The following CFAP69 variants were observed in gnomAD, a reference collection of about 807,000 sequenced individuals.
CFAP69 encodes the protein cilia- and flagella-associated protein 69.
A neutral mutation model predicts 123.0 loss-of-function variants in CFAP69; 92 were observed. The observed-to-expected ratio is 0.75, with a 90% CI of 0.63 to 0.89. CFAP69 has a LOEUF of 0.89. Among genes scored for constraint, CFAP69 ranks in the 40% least tolerant of loss-of-function variants. CFAP69 has a pLI of 0.00. For synonymous variants in CFAP69, 380 were observed against 364.3 expected (o/e 1.04, Z -0.49); for missense variants, 1,067 against 1,096.9 (o/e 0.97, Z 0.39).
chr7:90,312,031 A>G (rs904260095), downstream of CFAP69, among the ~76,000 whole-genome samples: 1 of 152,226 alleles, frequency 6.6e-6, no homozygotes, highest in African/African-American at 2.4e-5. Context: ...CTAACAATGA[A>G]TCTTTGCTCC....
At chr7:90,304,524 T>G in intron 18 of CFAP69, 4 of 1,320,054 alleles carry the variant, frequency 3.0e-6, no homozygotes, top group Non-Finnish European at 3.9e-6. Flanking sequence ...TTCCTATATA[T>G]TGGATGACCT....
chr7:90,320,153 A>G, the CFAP69 span, among the ~76,000 whole-genome samples: 5 of 152,206 alleles, frequency 3.3e-5, no homozygotes, highest in South Asian at 8.3e-4. Context: ...ACACATTTCA[A>G]CTAAGTGGAT....
chr7:90,254,464 T>A (rs896824462), intron 1 of CFAP69, among the ~76,000 whole-genome samples: 12 of 152,168 alleles, frequency 7.9e-5, no homozygotes, highest in African/African-American at 2.9e-4. Context: ...AGGCCCAGTG[T>A]TGGATGCCGG....
rs771656444 is a variant in CFAP69 at position 90,286,294 on chromosome 7, TATA to T, written c.1556_1558del (p.Ile519del). The T allele has an allele frequency of 3.8e-6, 6 of 1,598,604 alleles. No homozygotes were observed. Among genetic ancestry groups the T allele is most frequent in the African/African-American group, 1.3e-5 (1 of 74,266 alleles). ...TTTTCATACCAGGAATCTTTAAAAATATAATAAGCAAGCCTAATGAAAAGGAAG... is the reference window on the plus strand; with the variant it reads ...TTTTCATACCAGGAATCTTTAAAAATATAAGCAAGCCTAATGAAAAGGAAG... On this transcript the variant is annotated inframe_deletion, in exon 14 of 23. Transcript: ENST00000389297.
At chr7:90,290,962 A>C (rs565288882) in intron 15 of CFAP69, among the ~76,000 whole-genome samples, 47 of 152,230 alleles carry the variant, frequency 3.1e-4, no homozygotes, top group African/African-American at 1.1e-3. Flanking sequence ...ATCAGGAAGA[A>C]GAGTGCAAGT....
intron 13 of CFAP69, 96 bp from the exon 14 acceptor site, chr7:90,286,185 C>A: frequency 9.9e-7 from 1 of 1,005,764 alleles, no homozygotes; most frequent in Non-Finnish European, 1.4e-6. Context: ...GTTTCTCTAG[C>A]CAAATAAACT....
chr7:90,257,077 C>G (rs17866066), intron 2 of CFAP69, among the ~76,000 whole-genome samples: 71 of 152,256 alleles, frequency 4.7e-4, no homozygotes, highest in African/African-American at 1.7e-3. Context: ...AATGTTTCAG[C>G]TTGTGTTTCC....
rs1790584592 is a variant in CFAP69, at chr7:90,288,186, ATTAT to A, written c.1657-37_1657-34del. On this transcript the variant is annotated intron_variant, in intron 14 of 22. Transcript: ENST00000389297. ...GACCGATAAAGTAGGAAAGGGAGGAATTATTTATTTATTTCAAGAAATAATTTAA... is the reference window on the plus strand; with the variant it reads ...GACCGATAAAGTAGGAAAGGGAGGAATTATTTATTTCAAGAAATAATTTAA... 3.4e-6 allele frequency: 5 copies of A among 1,456,730 alleles called. No individual in the cohort carries two copies. In the East Asian group the frequency reaches 9.5e-5, roughly 28 times the overall value. The allele number at this position is 1,456,730 out of a possible 1,614,324, so 90.2% of individuals were successfully genotyped here. A position where few individuals can be genotyped will look rare whatever the true frequency, so the allele number is the denominator to read the frequency against.
In CFAP69 at chr7:90,253,723, T is replaced by G. The variant is rs577156151; in HGVS notation, c.121-1700T>G. ...GCTATTGAGTTGTGTTCCTTGTATA[T>G]TCTTGTTATTAATCCCTTGTCAGAT... On this transcript the variant is annotated intron_variant, in intron 1 of 22. Coordinates refer to ENST00000389297, the MANE Select transcript of CFAP69 (RefSeq NM_001039706.3). 2.0e-5 allele frequency among the ~76,000 whole-genome samples: 3 copies of G among 152,276 alleles called. No homozygotes were observed. In the South Asian group the frequency reaches 6.2e-4, roughly 32 times the overall value.
chr7:90,321,558 C>T, the CFAP69 span, among the ~76,000 whole-genome samples: 1 of 152,186 alleles, frequency 6.6e-6, no homozygotes, highest in African/African-American at 2.4e-5. Flanking sequence ...TTTTTCTTAG[C>T]TGAGAAGATC....
At chr7:90,306,180 A>T (rs1793568072) in intron 19 of CFAP69, among the ~76,000 whole-genome samples, 3 of 151,762 alleles carry the variant, frequency 2.0e-5, no homozygotes, top group African/African-American at 7.3e-5. Context: ...TCAAACTCCT[A>T]GGCTCAAGTG....
intron 4 of CFAP69, among the ~76,000 whole-genome samples, chr7:90,262,477 TTGAG>T (rs1039515108): frequency 6.6e-6 from 1 of 152,134 alleles, no homozygotes; most frequent in African/African-American, 2.4e-5. Flanking sequence ...TTTTTGAAAT[TTGAG>T]TGAAGAATAA....
rs1229978626 is a variant in CFAP69, at chr7:90,282,939, G to A, written c.1420G>A (p.Gly474Ser). ...GNSFHGTGGR[G>S]NKFAQMRYSL... Reference sequence around the variant, plus strand: ...CAGTTTTCATGGTACAGGTGGCCGAGGCAACAAGTTTGCCCAGATGCGTTA... The same window carrying A: ...CAGTTTTCATGGTACAGGTGGCCGAAGCAACAAGTTTGCCCAGATGCGTTA... Residue 474 changes from glycine to serine, a missense_variant, in exon 13 of 23, where the codon GGC becomes AGC. Transcript: ENST00000389297. 61 of 1,586,756 alleles carry A rather than the reference G, an allele frequency of 3.8e-5. No individual in the cohort carries two copies. Among genetic ancestry groups the A allele is most frequent in the Non-Finnish European group, 5.1e-5 (59 of 1,167,736 alleles).
chr7:90,262,133 A>G lies in CFAP69; in HGVS notation c.356+77A>G, dbSNP rs1017704225. ...ATGTTTCTTATATCACAAACATACTATGCATTATAGTGTAGCAGATTGCTA... is the reference window on the plus strand; with the variant it reads ...ATGTTTCTTATATCACAAACATACTGTGCATTATAGTGTAGCAGATTGCTA... On this transcript the variant is annotated intron_variant, in intron 4 of 22. Transcript: ENST00000389297. 6.5e-6 allele frequency: 6 copies of G among 919,936 alleles called. No individual in the cohort carries two copies. In the African/African-American group the frequency reaches 1.0e-4, roughly 16 times the overall value. The allele number at this position is 919,936 out of a possible 1,614,324, so 57.0% of individuals were successfully genotyped here.
Position 90,288,366 on chromosome 7 carries a change from T to TAA in CFAP69, c.1775+15_1775+16dup. ...GGACAGCATTTGGTGAGTATTGCTA[T>TAA]AATCAAATTAGGTAGACTCACAGCA... On this transcript the variant is annotated intron_variant, in intron 15 of 22. Coordinates refer to ENST00000389297, the MANE Select transcript of CFAP69 (RefSeq NM_001039706.3). The TAA allele has an allele frequency of 6.2e-7, 1 of 1,602,104 alleles. No homozygotes were observed. The highest frequency in any genetic ancestry group is 1.3e-5 in the African/African-American group (1 of 74,844).
At chr7:90,287,620 G>A (rs1369838565) in intron 14 of CFAP69, 5 of 985,188 alleles carry the variant, frequency 5.1e-6, no homozygotes, top group African/African-American at 1.7e-5. Context: ...TTAAGTGAAC[G>A]CCTGTTTAGC....
the CFAP69 span, chr7:90,322,552 T>C: frequency 3.9e-5 from 6 of 152,230 alleles, no homozygotes; most frequent in Admixed American, 3.3e-4. Flanking sequence ...TAATGTTGGC[T>C]TCCTTCTAAA....
chr7:90,277,323 C>A lies in CFAP69; in HGVS notation c.1144C>A (p.Pro382Thr), dbSNP rs1290714746. The change falls in exon 11 of 23, where the codon CCT (proline) becomes ACT (threonine). Residue 382 changes from proline to threonine, a missense_variant. Coordinates refer to ENST00000389297, the MANE Select transcript of CFAP69 (RefSeq NM_001039706.3). ...AATTGTGATCTTATGTAAAGATTTA[C>A]CTACTGTACAGGTAAAGAGTAATCA... is the stretch of plus-strand genomic sequence containing the variant. Reference protein sequence around the residue: ...NVIVILCKDLPTVQLLIDGKV... With the variant: ...NVIVILCKDLTTVQLLIDGKV... 1.9e-6 allele frequency: 3 copies of A among 1,561,888 alleles called. No individual in the cohort carries two copies. The highest frequency in any genetic ancestry group is 2.8e-5 in the African/African-American group (2 of 72,110).
Position 90,271,670 on chromosome 7 carries a change from C to A in CFAP69, c.677C>A (p.Thr226Asn). Reference sequence around the variant, plus strand: ...CTTAAAGTTCTGCAGCATCTCTCAACTTCTGGTTTGTATATTATTAAGTTT... The same window carrying A: ...CTTAAAGTTCTGCAGCATCTCTCAAATTCTGGTTTGTATATTATTAAGTTT... ...WVLKVLQHLS[T>N]SEVNCTIMMK... is the part of the protein sequence containing the mutation. Residue 226 changes from threonine to asparagine, a missense_variant, in exon 7 of 23, where the codon ACT (threonine) becomes AAT (asparagine). By Grantham distance (65) the Thr-to-Asn change is moderately conservative. Transcript: ENST00000389297. 1 of 1,612,980 alleles carries A rather than the reference C, an allele frequency of 6.2e-7. No homozygotes were observed. The highest frequency in any genetic ancestry group is 8.5e-7 in the Non-Finnish European group (1 of 1,179,458).
Sources: gnomAD v4.1 joint callset for allele counts (sites outside exome capture counted in the v4.1 genomes callset) on GRCh38, gnomAD v4.1.1 for gene constraint, MANE v1.5 for transcripts, NCBI Gene and HGNC (gene_info 2026-07-23, HGNC 2026-07-21) for gene names.